Variants in ESR1 observed in about 807,000 individuals in gnomAD.
ESR1 encodes the protein estrogen receptor 1, also known as estrogen receptor.
Under a neutral mutation model 52.7 loss-of-function variants are expected in ESR1, and 12 were observed. The observed-to-expected ratio is 0.23, with a 90% confidence interval of 0.15 to 0.37. ESR1 has a LOEUF of 0.37. Among genes scored for constraint, ESR1 ranks in the 10% least tolerant of loss-of-function variants. The probability of loss-of-function intolerance (pLI) is 1.00; values close to 1 mark genes in which losing one functional copy is unlikely to be tolerated. For missense variants in ESR1, 584 were observed against 779.7 expected (o/e 0.75, Z 2.99); for synonymous variants, 305 against 316.8 (o/e 0.96, Z 0.39).
At chr6:151,958,992 G>T (rs1018928626) in intron 4 of ESR1, among the ~76,000 whole-genome samples, 2 of 152,042 alleles carry the variant, frequency 1.3e-5, no homozygotes, top group Non-Finnish European at 2.9e-5. Flanking sequence ...GTGTGTGTGT[G>T]TGCGTGTGTG....
chr6:152,030,687 T>C (rs1450545183), intron 5 of ESR1, among the ~76,000 whole-genome samples: 2 of 152,126 alleles, frequency 1.3e-5, no homozygotes, highest in African/African-American at 4.8e-5. Flanking sequence ...ACAATAATAA[T>C]GGGAGACTTT....
chr6:152,111,690 G>T (rs557164220), intron 6 of ESR1, among the ~76,000 whole-genome samples: 2 of 152,284 alleles, frequency 1.3e-5, no homozygotes, highest in African/African-American at 4.8e-5. Flanking sequence ...CCACAGGCTG[G>T]AAGGGAGGGG....
chr6:151,915,280 A>G (rs1184162031), intron 3 of ESR1, among the ~76,000 whole-genome samples: 4 of 152,082 alleles, frequency 2.6e-5, no homozygotes, highest in African/African-American at 9.7e-5. Context: ...AAGCCCTTTC[A>G]TTACCAAGAA....
At chr6:151,881,062 G>C (rs1395657213) in intron 3 of ESR1, among the ~76,000 whole-genome samples, 1 of 152,206 alleles carries the variant, frequency 6.6e-6, no homozygotes, top group Non-Finnish European at 1.5e-5. Flanking sequence ...GGAAGGAAAC[G>C]AAGAGTGCTT....
chr6:152,024,699 A>G (rs745889136), intron 5 of ESR1, among the ~76,000 whole-genome samples: 171 of 147,796 alleles, frequency 1.2e-3, no homozygotes, highest in Non-Finnish European at 1.9e-3. Flanking sequence ...TAGTTATAAT[A>G]CATAAATATA....
chr6:152,045,320 C>G (rs1055664572), intron 5 of ESR1, among the ~76,000 whole-genome samples: 1 of 152,202 alleles, frequency 6.6e-6, no homozygotes, highest in Admixed American at 6.5e-5. Context: ...ACTTTGGAAC[C>G]TGTGGAGTGA....
intron 3 of ESR1, among the ~76,000 whole-genome samples, chr6:151,918,521 A>G (rs1005937065): frequency 5.9e-5 from 9 of 152,214 alleles, no homozygotes; most frequent in Non-Finnish European, 1.3e-4. Context: ...CTGGCAGATG[A>G]CATCATGAGG....
intron 5 of ESR1, among the ~76,000 whole-genome samples, chr6:152,017,546 A>G (rs1214868518): frequency 6.6e-6 from 1 of 152,154 alleles, no homozygotes; most frequent in African/African-American, 2.4e-5. Flanking sequence ...GTAATCAGGA[A>G]ATGGAGAAAA....
intron 4 of ESR1, among the ~76,000 whole-genome samples, chr6:151,987,994 C>T (rs1343725019): frequency 6.6e-6 from 1 of 152,018 alleles, no homozygotes; most frequent in Admixed American, 6.6e-5. Context: ...AGCCTAAACT[C>T]AGTATAGTTT....
intron 3 of ESR1, among the ~76,000 whole-genome samples, chr6:151,924,566 T>C (rs2032337152): frequency 6.6e-6 from 1 of 152,150 alleles, no homozygotes; most frequent in African/African-American, 2.4e-5. Context: ...TAGTTCTTTT[T>C]CCTGATCCTC....
intron 1 of ESR1, among the ~76,000 whole-genome samples, chr6:151,675,103 T>C (rs1479265428): frequency 6.6e-6 from 1 of 152,218 alleles, no homozygotes. Context: ...TGAGAGAGAA[T>C]GGCACTTGTA....
chr6:151,905,549 A>T (rs976000316), intron 3 of ESR1, among the ~76,000 whole-genome samples: 1 of 152,206 alleles, frequency 6.6e-6, no homozygotes, highest in Non-Finnish European at 1.5e-5. Flanking sequence ...TAATGAAGCC[A>T]CTTAATAAAA....
chr6:151,884,575 C>T (rs1217607930), intron 3 of ESR1, among the ~76,000 whole-genome samples: 1 of 152,206 alleles, frequency 6.6e-6, no homozygotes, highest in Non-Finnish European at 1.5e-5. Flanking sequence ...CACTGAAGAT[C>T]TATTGTAAAG....
Position 152,094,272 on chromosome 6 carries a change from C to T in ESR1, c.1370-113C>T, listed in dbSNP as rs1467591167. 5 of 900,346 alleles carry T rather than the reference C, an allele frequency of 5.6e-6. No individual in the cohort carries two copies. Among genetic ancestry groups the T allele is most frequent in the African/African-American group, 1.6e-5 (1 of 61,372 alleles). The allele number at this position is 900,346 out of a possible 1,614,324, so 55.8% of individuals were successfully genotyped here. A position where few individuals can be genotyped will look rare whatever the true frequency, so the allele number is the denominator to read the frequency against. ...GGTCCAGAGCATCCCCATTGCTAGA[C>T]TACTGTGCTGAGGAAGGGCACTGGC... On this transcript the variant is annotated intron_variant, in intron 6 of 7. Transcript: ENST00000206249. This position sits in a 1 kb window ranked among gnomAD's most constrained non-coding sequence, Gnocchi z 4.6.
At chr6:152,027,975 C>G (rs1562692073) in intron 5 of ESR1, among the ~76,000 whole-genome samples, 1 of 152,028 alleles carries the variant, frequency 6.6e-6, no homozygotes, top group Admixed American at 6.6e-5. Context: ...AACCCCGTCT[C>G]TACTAAAAAT....
chr6:151,930,320 C>A (rs1358385206), intron 3 of ESR1, among the ~76,000 whole-genome samples: 1 of 152,072 alleles, frequency 6.6e-6, no homozygotes, highest in Non-Finnish European at 1.5e-5. Flanking sequence ...TGTAGTGGTG[C>A]CGCTAAAGTT....
intron 2 of ESR1, among the ~76,000 whole-genome samples, chr6:151,843,347 A>G (rs1385922997): frequency 2.0e-5 from 3 of 152,154 alleles, no homozygotes; most frequent in African/African-American, 7.2e-5. Flanking sequence ...ATGGGGAGAT[A>G]TCATCTTTAT....
At chr6:151,898,384 A>ATTTTTTTTTTTTTTTTTTTTTTTTTTTT (rs371510396) in intron 3 of ESR1, among the ~76,000 whole-genome samples, 2 of 101,220 alleles carry the variant, frequency 2.0e-5, no homozygotes, top group African/African-American at 3.5e-5. Context: ...GGTTTTGTTC[A>ATTTTTTTTTTTTTTTTTTTTTTTTTTTT]TTTTTTTTTT....
intron 2 of ESR1, among the ~76,000 whole-genome samples, chr6:151,751,561 T>G (rs1191986449): frequency 1.3e-5 from 2 of 152,200 alleles, no homozygotes; most frequent in African/African-American, 4.8e-5. Context: ...GTGAACACCT[T>G]CTACTGAAGG....
Sources: gnomAD v4.1 joint callset for allele counts (sites outside exome capture counted in the v4.1 genomes callset) on GRCh38, gnomAD v4.1.1 for gene constraint, Gnocchi (gnomAD v3.1) non-coding constraint, MANE v1.5 for transcripts, NCBI Gene and HGNC (gene_info 2026-07-23, HGNC 2026-07-21) for gene names.